Variants in ATF7IP observed in about 807,000 individuals in gnomAD.
ATF7IP encodes the protein activating transcription factor 7 interacting protein, also known as activating transcription factor 7-interacting protein 1.
Under a neutral mutation model 106.4 loss-of-function variants are expected in ATF7IP, and 23 were observed. The ratio of observed to expected loss-of-function variants is 0.22; its 90% confidence interval spans 0.16 to 0.31. The LOEUF is 0.31. ATF7IP is among the 10% of genes least tolerant of loss of function. The pLI is 1.00. For synonymous variants in ATF7IP, 542 were observed against 539.0 expected (o/e 1.01, Z -0.08); for missense variants, 1,334 against 1,524.3 (o/e 0.88, Z 2.08).
chr12:14,402,127 CTTTTTTTT>C (rs11297116), intron 1 of ATF7IP, among the ~76,000 whole-genome samples: 4 of 101,856 alleles, frequency 3.9e-5, no homozygotes, highest in African/African-American at 1.5e-4. Flanking sequence ...TTTCTTCTTT[CTTTTTTTT>C]TTTTTTTTTT....
intron 4 of ATF7IP, among the ~76,000 whole-genome samples, chr12:14,437,457 AG>A (rs1591857291): frequency 6.6e-6 from 1 of 152,186 alleles, no homozygotes; most frequent in East Asian, 1.9e-4. Context: ...AGAATTATGA[AG>A]GTAGCTATGT....
At chr12:14,461,421 A>C (rs1236221284) in intron 9 of ATF7IP, among the ~76,000 whole-genome samples, 1 of 152,056 alleles carries the variant, frequency 6.6e-6, no homozygotes, top group African/African-American at 2.4e-5. Context: ...AAGCATTATG[A>C]GTTACTTTTA....
chr12:14,478,568 T>G, intron 12 of ATF7IP, 96 bp downstream of exon 12: 1 of 1,398,064 alleles, frequency 7.2e-7, no homozygotes, highest in Non-Finnish European at 9.9e-7. Context: ...AAAATTAATA[T>G]TCATCTTGTT....
chr12:14,473,186 T>C (rs1386809286), intron 10 of ATF7IP, among the ~76,000 whole-genome samples: 3 of 152,156 alleles, frequency 2.0e-5, no homozygotes, highest in South Asian at 2.1e-4. Context: ...CTTTTTTTGT[T>C]GGTTTCTGTG....
chr12:14,499,243 G>A lies in ATF7IP; in HGVS notation c.*1170G>A, dbSNP rs575082146. ...GCATAGTCTCATCTTAGCCGGGCAT[G>A]GTGGCGACAATCACATTTAACTCCA... On this transcript the variant is annotated 3_prime_UTR_variant, in exon 15 of 15. Coordinates refer to ENST00000261168, the MANE Select transcript of ATF7IP (RefSeq NM_018179.5). The A allele has an allele frequency of 6.6e-6, 1 of 152,302 alleles. No homozygotes were observed. Among genetic ancestry groups the A allele is most frequent in the East Asian group, 1.9e-4 (1 of 5,180 alleles). 9.4% of individuals were successfully genotyped at this position (152,302 alleles called of 1,614,324 possible).
At chr12:14,367,738 A>G (rs1275480036) in intron 1 of ATF7IP, among the ~76,000 whole-genome samples, 1 of 152,126 alleles carries the variant, frequency 6.6e-6, no homozygotes, top group East Asian at 1.9e-4. Context: ...TATGAAGAAC[A>G]TATTTATTGA....
chr12:14,478,181 A>G, intron 11 of ATF7IP, 136 bp from the exon 12 acceptor site: 2 of 793,942 alleles, frequency 2.5e-6, no homozygotes, highest in Non-Finnish European at 4.0e-6. Flanking sequence ...CGTAAGTAAA[A>G]TGGAAATAAA....
intron 5 of ATF7IP, among the ~76,000 whole-genome samples, chr12:14,445,390 TTTC>T (rs949965690): frequency 2.7e-5 from 4 of 150,714 alleles, no homozygotes; most frequent in African/African-American, 4.9e-5. Context: ...TTTTTCTTTC[TTTC>T]TTTTTTTTTT....
chr12:14,372,761 G>A (rs1404325530), intron 1 of ATF7IP, among the ~76,000 whole-genome samples: 1 of 152,026 alleles, frequency 6.6e-6, no homozygotes, highest in Non-Finnish European at 1.5e-5. Flanking sequence ...TATATGATCC[G>A]TTCTCCCTTT....
intron 1 of ATF7IP, among the ~76,000 whole-genome samples, chr12:14,374,272 A>ATTTTTTTTTTT (rs563859251): frequency 2.8e-5 from 3 of 105,444 alleles, no homozygotes; most frequent in Non-Finnish European, 3.8e-5. Flanking sequence ...TAATTTTGTA[A>ATTTTTTTTTTT]TTTTTTTTTT....
intron 1 of ATF7IP, among the ~76,000 whole-genome samples, chr12:14,406,202 G>A (rs1940571368): frequency 6.6e-6 from 1 of 152,086 alleles, no homozygotes; most frequent in South Asian, 2.1e-4. Context: ...GGGTTCAAGT[G>A]ATTCTCCTGC....
intron 1 of ATF7IP, among the ~76,000 whole-genome samples, chr12:14,402,323 T>TC (rs1214783766): frequency 1.3e-5 from 2 of 151,806 alleles, no homozygotes; most frequent in Non-Finnish European, 2.9e-5. Context: ...AGATGGGGTC[T>TC]CGCTGTGTTG....
intron 2 of ATF7IP, among the ~76,000 whole-genome samples, chr12:14,432,946 C>T (rs1042325333): frequency 6.6e-6 from 1 of 152,088 alleles, no homozygotes; most frequent in Non-Finnish European, 1.5e-5. Flanking sequence ...GTTGAAGAGA[C>T]ATTGATTGAT....
rs1406403373 is a variant in ATF7IP, at chr12:14,466,415, CAT to C, written c.2798-110_2798-109del. 16 of 796,832 alleles carry C rather than the reference CAT, an allele frequency of 2.0e-5. No individual in the cohort carries two copies. In the East Asian group the frequency reaches 3.5e-4, roughly 18 times the overall value. 49.4% of individuals were successfully genotyped at this position (796,832 alleles called of 1,614,324 possible). A position where few individuals can be genotyped will look rare whatever the true frequency, so the allele number is the denominator to read the frequency against. On this transcript the variant is annotated intron_variant, in intron 9 of 14. Coordinates refer to ENST00000261168, the MANE Select transcript of ATF7IP (RefSeq NM_018179.5). ...TTTGAGTTTTTATTTATGTATGTGA[CAT>C]GTTGACGGAAAAGTAGTTGGAGAAA...
chr12:14,462,655 A>T (rs1280128949), intron 9 of ATF7IP, among the ~76,000 whole-genome samples: 3 of 152,024 alleles, frequency 2.0e-5, no homozygotes, highest in Admixed American at 2.0e-4. Context: ...TACAATTTTT[A>T]TAGAAAGGAT....
In ATF7IP at chr12:14,500,690, G is replaced by T. The variant is rs1237254183; in HGVS notation, c.*2617G>T. 1 of 151,898 alleles carries T rather than the reference G, an allele frequency of 6.6e-6. No individual in the cohort carries two copies. The highest frequency in any genetic ancestry group is 2.1e-4 in the South Asian group (1 of 4,812). 9.4% of individuals were successfully genotyped at this position (151,898 alleles called of 1,614,324 possible). A position where few individuals can be genotyped will look rare whatever the true frequency, so the allele number is the denominator to read the frequency against. ...AATTTTCTTACCTAACCTACAAAAG[G>T]TTCTCTTGATGAACATTTTTATTTA... On this transcript the variant is annotated 3_prime_UTR_variant, in exon 15 of 15. Transcript: ENST00000261168.
At chr12:14,385,675 T>C (rs1352708208) in intron 1 of ATF7IP, among the ~76,000 whole-genome samples, 3 of 152,158 alleles carry the variant, frequency 2.0e-5, no homozygotes, top group Non-Finnish European at 2.9e-5. Flanking sequence ...TAATGTAATA[T>C]TCCTTTTGTG....
At chr12:14,423,606 C>CTTTTTTT (rs1941660318) in intron 1 of ATF7IP, among the ~76,000 whole-genome samples, 1 of 31,508 alleles carries the variant, frequency 3.2e-5, no homozygotes, top group African/African-American at 1.3e-4. Context: ...TTTACTTTAT[C>CTTTTTTT]TACCTTTTTT....
Position 14,489,052 on chromosome 12 carries a change from CA to C in ATF7IP, c.3281-7177del, listed in dbSNP as rs559436401. Among the ~76,000 whole-genome samples, 22 of 152,270 alleles carry C rather than the reference CA, an allele frequency of 1.4e-4. No homozygotes were observed. In the South Asian group the frequency reaches 2.7e-3, roughly 19 times the overall value. On this transcript the variant is annotated intron_variant, in intron 13 of 14. Coordinates refer to ENST00000261168, the MANE Select transcript of ATF7IP (RefSeq NM_018179.5). The stretch of plus-strand genomic sequence containing the variant: ...CATTCTGTATTCTCTTTGCCTTCAG[CA>C]AGCACCTCATCTGGTAGTGGTTTTA...
Sources: allele counts gnomAD v4.1 joint callset (sites outside exome capture counted in the v4.1 genomes callset), GRCh38; gene constraint gnomAD v4.1.1; transcripts MANE v1.5; gene names NCBI Gene and HGNC (gene_info 2026-07-23, HGNC 2026-07-21).